KDM4B: variants seen among roughly 807,000 people sequenced by gnomAD.
KDM4B encodes the protein lysine demethylase 4B.
In KDM4B, 32 loss-of-function variants were observed where a neutral mutation model predicts 125.2. That is an observed-to-expected ratio of 0.26 (90% confidence interval 0.19 to 0.34). The LOEUF is 0.34. Ranked by LOEUF, KDM4B falls within the 10% of genes least tolerant of loss-of-function variation. The pLI, the probability that KDM4B is intolerant of heterozygous loss-of-function variation, is 1.00. For missense variants in KDM4B, 1,190 were observed against 1,577.7 expected, an observed-to-expected ratio of 0.75 and a Z score of 4.16; for synonymous variants, 721 against 677.9, an observed-to-expected ratio of 1.06 and a Z score of -0.99.
intron 9 of KDM4B, among the ~76,000 whole-genome samples, chr19:5,110,414 A>G (rs1199981835): frequency 3.3e-5 from 5 of 152,152 alleles, no homozygotes; most frequent in Admixed American, 1.3e-4. Context: ...CGAGGCTACA[A>G]TGAGCCATGA....
chr19:5,059,081 G>A (rs1346845924), intron 6 of KDM4B, among the ~76,000 whole-genome samples: 3 of 152,128 alleles, frequency 2.0e-5, no homozygotes, highest in African/African-American at 7.2e-5. Context: ...ACCCAGAGTC[G>A]CCCGCCCACC....
At chr19:4,969,858 C>T (rs542449204) in intron 1 of KDM4B, among the ~76,000 whole-genome samples, 2 of 150,642 alleles carry the variant, frequency 1.3e-5, no homozygotes, top group South Asian at 4.2e-4. Flanking sequence ...GTACCCGAAA[C>T]CCCCACCCCG....
Position 5,056,694 on chromosome 19 carries a change from C to G in KDM4B, c.626+9025C>G, listed in dbSNP as rs549380835. On this transcript the variant is annotated intron_variant, in intron 6 of 22. Transcript: ENST00000159111. ...GTGCTGGCGTTACAGACGTGTGTCA[C>G]TGTGCCCAGCCACCTCCCTTTCTTA... 7.9e-5 allele frequency among the ~76,000 whole-genome samples: 12 copies of G among 152,232 alleles called. No homozygotes were observed. The South Asian group carries it at 2.5e-3, about 31-fold the overall frequency.
chr19:5,133,654 G>C (rs958215736), intron 13 of KDM4B, among the ~76,000 whole-genome samples: 1 of 152,234 alleles, frequency 6.6e-6, no homozygotes, highest in Non-Finnish European at 1.5e-5. Context: ...AGCCGAGACA[G>C]ACGTGTCCCC....
intron 1 of KDM4B, among the ~76,000 whole-genome samples, chr19:4,973,311 C>T (rs1599327991): frequency 6.6e-6 from 1 of 152,302 alleles, no homozygotes; most frequent in Non-Finnish European, 1.5e-5. Flanking sequence ...GCCTCAGCCT[C>T]CCGAGTAGCT....
chr19:4,989,390 T>A (rs2034958297), intron 1 of KDM4B, among the ~76,000 whole-genome samples: 1 of 152,138 alleles, frequency 6.6e-6, no homozygotes, highest in Non-Finnish European at 1.5e-5. Flanking sequence ...CAGGCTGGAG[T>A]GCAGTGGCAC....
intron 21 of KDM4B, among the ~76,000 whole-genome samples, chr19:5,146,236 A>AC (rs35335372): frequency 0.33 from 36,613 of 112,426 alleles, 5,197 homozygotes; most frequent in African/African-American, 0.39. Flanking sequence ...AGCATCCAGG[A>AC]CCCCCCCCGC....
chr19:5,147,793 G>T (rs193180024), intron 21 of KDM4B, among the ~76,000 whole-genome samples: 56 of 152,220 alleles, frequency 3.7e-4, no homozygotes, highest in African/African-American at 1.3e-3. Flanking sequence ...GGGGCGGGGG[G>T]GCAGAGGCTG....
rs189345014 is a variant in KDM4B, at chr19:5,028,677, C to T, written c.-25-4189C>T. On this transcript the variant is annotated intron_variant, in intron 2 of 22. Transcript: ENST00000159111. Reference sequence around the variant, plus strand: ...GCTGTCTTGCAGAGCAGCTGTCCCACGTCACCGTCCTGCCAGCCTGTGTTC... The same window carrying T: ...GCTGTCTTGCAGAGCAGCTGTCCCATGTCACCGTCCTGCCAGCCTGTGTTC... Among the ~76,000 whole-genome samples, 188 of 152,296 alleles carry T rather than the reference C, an allele frequency of 1.2e-3. 2 individuals are homozygous for T. Among genetic ancestry groups the T allele is most frequent in the South Asian group, 0.011 (54 of 4,816 alleles).
intron 1 of KDM4B, among the ~76,000 whole-genome samples, chr19:4,983,598 C>T (rs905810397): frequency 6.6e-6 from 1 of 152,184 alleles, no homozygotes; most frequent in East Asian, 1.9e-4. Context: ...CCTCTGGCAT[C>T]GCAGCTGGTG....
At chr19:5,067,539 C>G (rs1568272409) in intron 6 of KDM4B, among the ~76,000 whole-genome samples, 1 of 151,806 alleles carries the variant, frequency 6.6e-6, no homozygotes, top group Non-Finnish European at 1.5e-5. Flanking sequence ...GAGAGGTGGT[C>G]AGCCCTTGCG....
chr19:5,151,910 A>C lies in KDM4B; in HGVS notation c.*399A>C. ...AAAAAGCAAGAAAAAAAGGAAAACA[A>C]AGGAAAATATCCCCAAAGTTGTTTT... On this transcript the variant is annotated 3_prime_UTR_variant, in exon 23 of 23. Transcript: ENST00000159111. 2 of 172,760 alleles carry C rather than the reference A, an allele frequency of 1.2e-5. No individual in the cohort carries two copies. The highest frequency in any genetic ancestry group is 2.4e-5 in the African/African-American group (1 of 42,440). The allele number at this position is 172,760 out of a possible 1,614,324, so 10.7% of individuals were successfully genotyped here.
At chr19:5,079,953 C>G (rs2038236338) in intron 8 of KDM4B, among the ~76,000 whole-genome samples, 1 of 152,172 alleles carries the variant, frequency 6.6e-6, no homozygotes, top group African/African-American at 2.4e-5. Context: ...TGGGGAGAAG[C>G]TGGCCCAGAG....
At chr19:5,088,272 C>T (rs2038570954) in intron 9 of KDM4B, among the ~76,000 whole-genome samples, 1 of 152,216 alleles carries the variant, frequency 6.6e-6, no homozygotes, top group Non-Finnish European at 1.5e-5. Flanking sequence ...GTTCCATCAG[C>T]CAGATGCGCT....
Position 5,035,005 on chromosome 19 carries a change from C to T in KDM4B, c.141+1974C>T, listed in dbSNP as rs914217949. 2.0e-5 allele frequency among the ~76,000 whole-genome samples: 3 copies of T among 152,188 alleles called. No homozygotes were observed. The highest frequency in any genetic ancestry group is 4.4e-5 in the Non-Finnish European group (3 of 68,040). On this transcript the variant is annotated intron_variant, in intron 3 of 22. Coordinates refer to ENST00000159111, the MANE Select transcript of KDM4B (RefSeq NM_015015.3). This position sits in a 1 kb window ranked among gnomAD's most constrained non-coding sequence, Gnocchi z 5.3. Reference sequence around the variant, plus strand: ...CCAAGCTGGATTTTTGATTGTAACACACCATGACGATGTGGGAATGATGGC... The same window carrying T: ...CCAAGCTGGATTTTTGATTGTAACATACCATGACGATGTGGGAATGATGGC...
chr19:5,103,971 C>T (rs1388520290), intron 9 of KDM4B, among the ~76,000 whole-genome samples: 1 of 152,242 alleles, frequency 6.6e-6, no homozygotes, highest in African/African-American at 2.4e-5. Flanking sequence ...GCTCCTGAGG[C>T]TTGGCCACCC....
Position 5,131,943 on chromosome 19 carries a change from C to G in KDM4B, c.1842C>G (p.Pro614=). 1 of 1,612,372 alleles carries G rather than the reference C, an allele frequency of 6.2e-7. No homozygotes were observed. Among genetic ancestry groups the G allele is most frequent in the East Asian group, 2.2e-5 (1 of 44,850 alleles). ...KMEIKKSRRH[P]LGRPPTRSPL... ...AGATCAAGAAGAGCCGGCGCCATCC[C>G]CTGGGCCGGCCGCCCACCCGGTCCC... is the stretch of plus-strand genomic sequence containing the variant. The change falls in exon 13 of 23, where the codon CCC becomes CCG. Residue 614 remains proline (P), a synonymous_variant. Coordinates refer to ENST00000159111, the MANE Select transcript of KDM4B (RefSeq NM_015015.3).
chr19:5,129,659 A>C (rs2039509378), intron 11 of KDM4B, among the ~76,000 whole-genome samples: 1 of 152,200 alleles, frequency 6.6e-6, no homozygotes, highest in Admixed American at 6.5e-5. Flanking sequence ...TTAGCACTGA[A>C]AGCCCCACAG....
intron 5 of KDM4B, among the ~76,000 whole-genome samples, chr19:5,043,931 G>A (rs1320450354): frequency 6.9e-6 from 1 of 145,794 alleles, no homozygotes; most frequent in East Asian, 2.1e-4. Context: ...GTGTTTATCG[G>A]AGTGGGGGTG....
Sources: allele counts gnomAD v4.1 joint callset (sites outside exome capture counted in the v4.1 genomes callset), GRCh38; gene constraint gnomAD v4.1.1; non-coding constraint Gnocchi (gnomAD v3.1); transcripts MANE v1.5; gene names NCBI Gene and HGNC (gene_info 2026-07-23, HGNC 2026-07-21).